The following CSMD1 variants were observed in gnomAD, a reference collection of about 807,000 sequenced individuals.
CSMD1 encodes CUB and sushi domain-containing protein 1.
Under a neutral mutation model 417.5 loss-of-function variants are expected in CSMD1, and 213 were observed. The observed-to-expected ratio is 0.51, with a 90% CI of 0.46 to 0.57. CSMD1 has a LOEUF of 0.57. CSMD1 is among the 20% of genes least tolerant of loss of function. The pLI is 0.00. For synonymous variants in CSMD1, 2,862 were observed against 1,736.8 expected, an observed-to-expected ratio of 1.65 and a Z score of -16.11; for missense variants, 6,923 against 4,529.7, an observed-to-expected ratio of 1.53 and a Z score of -15.17.
At chr8:3,295,007 G>C (rs75267072) in intron 25 of CSMD1, among the ~76,000 whole-genome samples, 4,227 of 152,158 alleles carry the variant, frequency 0.028, 197 homozygotes, top group African/African-American at 0.092. Context: ...ATATGTGTGT[G>C]TATTTGTATT....
intron 3 of CSMD1, among the ~76,000 whole-genome samples, chr8:4,033,808 T>C (rs926138383): frequency 3.3e-5 from 5 of 152,216 alleles, no homozygotes; most frequent in Non-Finnish European, 5.9e-5. Context: ...TCTAAATCAA[T>C]TGACTTGAAA....
At chr8:4,968,415 C>A (rs576859890) in intron 1 of CSMD1, among the ~76,000 whole-genome samples, 3 of 152,148 alleles carry the variant, frequency 2.0e-5, no homozygotes, top group South Asian at 4.2e-4. Context: ...AAAATAACAC[C>A]CAAGCCCCTG....
chr8:4,141,482 A>C (rs901118589), intron 3 of CSMD1, among the ~76,000 whole-genome samples: 1 of 151,162 alleles, frequency 6.6e-6, no homozygotes, highest in Non-Finnish European at 1.5e-5. Flanking sequence ...ACAATATGCC[A>C]TTTGGTCTTC....
At chr8:4,222,717 G>A (rs902040591) in intron 3 of CSMD1, among the ~76,000 whole-genome samples, 2 of 152,098 alleles carry the variant, frequency 1.3e-5, no homozygotes, top group African/African-American at 4.8e-5. Context: ...GCTTCTGTAG[G>A]TGATAAAAAG....
At chr8:4,395,888 G>C (rs1310066910) in intron 3 of CSMD1, among the ~76,000 whole-genome samples, 1 of 152,168 alleles carries the variant, frequency 6.6e-6, no homozygotes, top group East Asian at 1.9e-4. Flanking sequence ...AGTGTATCTA[G>C]AAACACATAT....
Position 4,905,559 on chromosome 8 carries a change from T to C in CSMD1, c.85+88773A>G, listed in dbSNP as rs540325994. ...AATCGGTCAGACACAGTGGCTCACA[T>C]CTGTAATCCCAGCACTTTGGGAGGC... On this transcript the variant is annotated intron_variant, in intron 1 of 69. Transcript: ENST00000635120. 2.6e-3 allele frequency among the ~76,000 whole-genome samples: 400 copies of C among 152,008 alleles called. 1 individual carries two copies. Among genetic ancestry groups the C allele is most frequent in the South Asian group, 4.0e-3 (19 of 4,804 alleles).
chr8:4,228,190 C>T (rs961162098), intron 3 of CSMD1, among the ~76,000 whole-genome samples: 1 of 152,220 alleles, frequency 6.6e-6, no homozygotes, highest in Non-Finnish European at 1.5e-5. Flanking sequence ...CATGCAATCC[C>T]ACATCCAGGT....
intron 3 of CSMD1, among the ~76,000 whole-genome samples, chr8:4,051,537 G>T (rs1798423596): frequency 1.3e-5 from 2 of 152,164 alleles, no homozygotes; most frequent in Non-Finnish European, 1.5e-5. Flanking sequence ...CTTCGAATCA[G>T]CAGAGAAAAG....
chr8:4,463,891 T>C (rs1269363378), intron 2 of CSMD1, among the ~76,000 whole-genome samples: 1 of 152,176 alleles, frequency 6.6e-6, no homozygotes, highest in Non-Finnish European at 1.5e-5. Context: ...TATTGTGGTA[T>C]GTGAATCATT....
intron 3 of CSMD1, among the ~76,000 whole-genome samples, chr8:4,368,406 A>G (rs932510275): frequency 1.3e-5 from 2 of 152,006 alleles, no homozygotes; most frequent in Non-Finnish European, 2.9e-5. Context: ...TTCTACGTTC[A>G]TCAGGAATAT....
chr8:4,436,593 C>A (rs900892113), intron 2 of CSMD1, among the ~76,000 whole-genome samples: 1 of 152,142 alleles, frequency 6.6e-6, no homozygotes, highest in East Asian at 1.9e-4. Context: ...TATATCCATC[C>A]TGCTGTGCAA....
chr8:4,141,149 T>G (rs920967381), intron 3 of CSMD1, among the ~76,000 whole-genome samples: 2 of 151,218 alleles, frequency 1.3e-5, no homozygotes, highest in Non-Finnish European at 2.9e-5. Context: ...CTCCAATAAG[T>G]AACAGAACGT....
chr8:3,610,791 G>A (rs2469328), intron 8 of CSMD1, among the ~76,000 whole-genome samples: 3 of 151,792 alleles, frequency 2.0e-5, no homozygotes, highest in Non-Finnish European at 2.9e-5. Flanking sequence ...CCCCACAGAT[G>A]CCTGGAAAGG....
chr8:3,682,251 G>A (rs1272698921), intron 7 of CSMD1, among the ~76,000 whole-genome samples: 1 of 152,076 alleles, frequency 6.6e-6, no homozygotes, highest in Non-Finnish European at 1.5e-5. Context: ...AGAGTGAACA[G>A]GCAACCTAAA....
intron 26 of CSMD1, among the ~76,000 whole-genome samples, chr8:3,243,603 C>G (rs375658757): frequency 6.6e-6 from 1 of 151,942 alleles, no homozygotes; most frequent in African/African-American, 2.4e-5. Context: ...GCCATTTTCA[C>G]TTCTTTTGTG....
At chr8:4,107,711 C>G (rs1343585302) in intron 3 of CSMD1, among the ~76,000 whole-genome samples, 2 of 152,116 alleles carry the variant, frequency 1.3e-5, no homozygotes, top group East Asian at 3.9e-4. Flanking sequence ...AGCGCACACG[C>G]TCCATCAGAT....
chr8:3,044,026 C>T (rs1040177612), intron 50 of CSMD1, among the ~76,000 whole-genome samples: 1 of 152,152 alleles, frequency 6.6e-6, no homozygotes, highest in African/African-American at 2.4e-5. Context: ...CACTAAAATC[C>T]TCTTCCATTG....
At chr8:4,534,152 A>T (rs1437747751) in intron 2 of CSMD1, among the ~76,000 whole-genome samples, 1 of 152,186 alleles carries the variant, frequency 6.6e-6, no homozygotes, top group Non-Finnish European at 1.5e-5. Flanking sequence ...TTTTGAGCTG[A>T]TATCATCAGA....
chr8:4,801,676 T>A lies in CSMD1; in HGVS notation c.86-164118A>T, dbSNP rs112060979. Among the ~76,000 whole-genome samples, 559 of 152,148 alleles carry A rather than the reference T, an allele frequency of 3.7e-3. 9 individuals are homozygous for A. The highest frequency in any genetic ancestry group is 0.013 in the African/African-American group (521 of 41,494). ...CCAGTGTCCTCAGCCTGTCCAATAA[T>A]GGAGCCCTGTCCTTCTACACAAGGC... On this transcript the variant is annotated intron_variant, in intron 1 of 69. Coordinates refer to ENST00000635120, the MANE Select transcript of CSMD1 (RefSeq NM_033225.6).
Sources: allele counts gnomAD v4.1 joint callset (sites outside exome capture counted in the v4.1 genomes callset), GRCh38; gene constraint gnomAD v4.1.1; transcripts MANE v1.5; gene names NCBI Gene and HGNC (gene_info 2026-07-23, HGNC 2026-07-21).